The following CDH18 variants were observed in gnomAD, a reference collection of about 807,000 sequenced individuals.
The protein encoded by CDH18 is cadherin 18, also known as cadherin-18.
Under a neutral mutation model 67.9 loss-of-function variants are expected in CDH18, and 31 were observed. The ratio of observed to expected loss-of-function variants is 0.46; its 90% CI spans 0.34 to 0.62. CDH18 has a LOEUF of 0.62. Ranked by LOEUF, CDH18 falls within the 20% of genes least tolerant of loss-of-function variation. The pLI is 0.01. For missense variants in CDH18, 890 were observed against 975.5 expected (o/e 0.91, Z 1.17); for synonymous variants, 362 against 347.2 (o/e 1.04, Z -0.48).
At chr5:20,021,704 C>A (rs1250428446) in intron 2 of CDH18, among the ~76,000 whole-genome samples, 1 of 152,212 alleles carries the variant, frequency 6.6e-6, no homozygotes, top group Admixed American at 6.5e-5. Flanking sequence ...GCCTCCCTGG[C>A]CATGCTTTCT....
chr5:19,685,887 C>T (rs1761028238), intron 5 of CDH18, among the ~76,000 whole-genome samples: 1 of 152,106 alleles, frequency 6.6e-6, no homozygotes, highest in African/African-American at 2.4e-5. Context: ...AAGTTCCAGT[C>T]TCAGAAATAA....
At chr5:20,343,552 T>G (rs1189412421) in intron 1 of CDH18, among the ~76,000 whole-genome samples, 1 of 152,080 alleles carries the variant, frequency 6.6e-6, no homozygotes, top group Non-Finnish European at 1.5e-5. Flanking sequence ...CTGGATTCTC[T>G]TTACAGATGG....
Position 19,615,017 on chromosome 5 carries a change from C to G in CDH18, c.644-2416G>C, listed in dbSNP as rs1011178102. On this transcript the variant is annotated intron_variant, in intron 5 of 12. Transcript: ENST00000382275. ...AAAAAATTAGCTGGGCGTGGTGGCACGAGCCTGTAGTCCCAGCTACTCAGG... is the reference window on the plus strand; with the variant it reads ...AAAAAATTAGCTGGGCGTGGTGGCAGGAGCCTGTAGTCCCAGCTACTCAGG... Among the ~76,000 whole-genome samples the G allele has an allele frequency of 7.2e-3, 1,090 of 151,874 alleles. 15 individuals carry two copies. The highest frequency in any genetic ancestry group is 0.025 in the African/African-American group (1,031 of 41,444).
At chr5:19,845,300 T>C (rs1251201744) in intron 2 of CDH18, among the ~76,000 whole-genome samples, 1 of 152,188 alleles carries the variant, frequency 6.6e-6, no homozygotes, top group Non-Finnish European at 1.5e-5. Context: ...TGCAGTTTAA[T>C]TTCTACATAT....
chr5:19,618,324 G>A (rs922418083), intron 5 of CDH18, among the ~76,000 whole-genome samples: 6 of 151,542 alleles, frequency 4.0e-5, no homozygotes, highest in African/African-American at 4.8e-5. Flanking sequence ...CCCTGCGTTC[G>A]CTTCCTGAGT....
intron 5 of CDH18, among the ~76,000 whole-genome samples, chr5:19,693,933 T>G (rs538460516): frequency 6.7e-5 from 10 of 149,764 alleles, no homozygotes; most frequent in Non-Finnish European, 1.2e-4. Context: ...AGGAGGCCTC[T>G]AGATAATATT....
At chr5:19,838,456 G>T (rs1257681120) in intron 3 of CDH18, among the ~76,000 whole-genome samples, 1 of 152,086 alleles carries the variant, frequency 6.6e-6, no homozygotes, top group Non-Finnish European at 1.5e-5. Context: ...TTACTTAATT[G>T]TGTGTTCCAT....
rs1736924500 is a variant in CDH18 at position 19,549,340 on chromosome 5, C to G, written c.1254-5335G>C. Among the ~76,000 whole-genome samples, 5 of 152,260 alleles carry G rather than the reference C, an allele frequency of 3.3e-5. No individual in the cohort carries two copies. The South Asian group carries it at 1.0e-3, about 32-fold the overall frequency. ...ATGTGACATGCTGGCTCCCCTTCAC[C>G]TTCTGCCATGACTGTAAGTTCTCTG... is the stretch of plus-strand genomic sequence containing the variant. On this transcript the variant is annotated intron_variant, in intron 8 of 12. Transcript: ENST00000382275.
intron 5 of CDH18, among the ~76,000 whole-genome samples, chr5:19,675,366 T>C (rs1759332255): frequency 6.6e-6 from 1 of 151,968 alleles, no homozygotes; most frequent in South Asian, 2.1e-4. Context: ...CTAATAAGCC[T>C]GGGAGCGCTA....
At chr5:19,576,956 T>C (rs755906909) in intron 7 of CDH18, among the ~76,000 whole-genome samples, 2 of 152,184 alleles carry the variant, frequency 1.3e-5, no homozygotes, top group African/African-American at 4.8e-5. Context: ...TGTGTGAACG[T>C]AGAGAACATT....
intron 2 of CDH18, among the ~76,000 whole-genome samples, chr5:19,944,510 C>T (rs891973235): frequency 2.0e-5 from 3 of 152,032 alleles, no homozygotes; most frequent in Admixed American, 6.6e-5. Context: ...TCTTCAACTC[C>T]CTTCAATATT....
rs535409909 is a variant in CDH18, at chr5:19,818,987, T to A, written c.228+19772A>T. On this transcript the variant is annotated intron_variant, in intron 3 of 12. Transcript: ENST00000382275. ...TATATCCCTCCGCTAGTTTGGATAC[T>A]TGAACTCTAATGGCAATTACATGTT... Among the ~76,000 whole-genome samples, 6 of 152,224 alleles carry A rather than the reference T, an allele frequency of 3.9e-5. No individual in the cohort carries two copies. The East Asian group carries it at 1.2e-3, about 29-fold the overall frequency.
chr5:20,040,043 A>G (rs570083086), intron 2 of CDH18, among the ~76,000 whole-genome samples: 1 of 152,296 alleles, frequency 6.6e-6, no homozygotes, highest in South Asian at 2.1e-4. Context: ...GGCAAAGCAT[A>G]TGAACAGACA....
chr5:20,030,562 G>A (rs1739308837), intron 2 of CDH18, among the ~76,000 whole-genome samples: 1 of 152,110 alleles, frequency 6.6e-6, no homozygotes, highest in African/African-American at 2.4e-5. Context: ...TGTGAGAGAA[G>A]TGATGCTGGA....
chr5:19,964,456 G>A (rs1228706968), intron 2 of CDH18, among the ~76,000 whole-genome samples: 2 of 151,216 alleles, frequency 1.3e-5, no homozygotes, highest in Non-Finnish European at 2.9e-5. Flanking sequence ...AAATTATATG[G>A]GTGTGGTGGC....
At chr5:20,364,184 A>T (rs1384830466) in intron 1 of CDH18, among the ~76,000 whole-genome samples, 1 of 152,120 alleles carries the variant, frequency 6.6e-6, no homozygotes, top group Non-Finnish European at 1.5e-5. Flanking sequence ...GGTTTATTCT[A>T]ATCATTTAAG....
At chr5:20,163,755 C>A (rs1736070614) in intron 2 of CDH18, among the ~76,000 whole-genome samples, 1 of 152,140 alleles carries the variant, frequency 6.6e-6, no homozygotes, top group African/African-American at 2.4e-5. Flanking sequence ...ATATTAAATA[C>A]AATCACTAAA....
rs577626580 is a variant in CDH18, at chr5:20,424,995, G to T, written c.-580+150467C>A. Among the ~76,000 whole-genome samples, 8 of 150,704 alleles carry T rather than the reference G, an allele frequency of 5.3e-5. No individual in the cohort carries two copies. The South Asian group carries it at 1.5e-3, about 27-fold the overall frequency. ...GGTCAACCAGAAAATGACATATTTT[G>T]GTACCTGGAAAATTCTATTGATATT... On this transcript the variant is annotated intron_variant, in intron 1 of 14. Coordinates refer to the CDH18 transcript ENST00000507958.
chr5:20,431,505 A>G (rs1748738038), intron 1 of CDH18, among the ~76,000 whole-genome samples: 1 of 92,474 alleles, frequency 1.1e-5, no homozygotes, highest in Admixed American at 8.9e-5. Flanking sequence ...AAAAAAAAAA[A>G]AGAAGAAGAA....
Sources: gnomAD v4.1 joint callset for allele counts (sites outside exome capture counted in the v4.1 genomes callset) on GRCh38, gnomAD v4.1.1 for gene constraint, MANE v1.5 for transcripts, NCBI Gene and HGNC (gene_info 2026-07-23, HGNC 2026-07-21) for gene names.